The following CEMIP2 variants were observed in gnomAD, a reference collection of about 807,000 sequenced individuals.
CEMIP2 encodes the protein cell surface hyaluronidase CEMIP2.
In CEMIP2, 79 loss-of-function variants were observed where a neutral mutation model predicts 146.9. That is an observed-to-expected ratio of 0.54 (90% confidence interval 0.45 to 0.65). The LOEUF is 0.65. CEMIP2 is among the 30% of genes least tolerant of loss of function. CEMIP2 has a pLI of 0.00. For synonymous variants in CEMIP2, 601 were observed against 606.3 expected, an observed-to-expected ratio of 0.99 and a Z score of 0.13; for missense variants, 1,596 against 1,696.2, an observed-to-expected ratio of 0.94 and a Z score of 1.04.
intron 20 of CEMIP2, 103 bp downstream of exon 20, chr9:71,697,882 C>T: frequency 8.4e-7 from 1 of 1,186,478 alleles, no homozygotes; most frequent in Non-Finnish European, 1.2e-6. Context: ...ATGCAATGTC[C>T]ATAAATGGGC....
intron 2 of CEMIP2, among the ~76,000 whole-genome samples, chr9:71,746,785 C>T (rs1258247996): frequency 6.6e-6 from 1 of 152,164 alleles, no homozygotes; most frequent in East Asian, 1.9e-4. Flanking sequence ...CAGGTCTTCA[C>T]AAGTTCCTTC....
rs867972979 is a variant in CEMIP2 at position 71,728,320 on chromosome 9, T to C, written c.2049+1525A>G. On this transcript the variant is annotated intron_variant, in intron 10 of 23. Coordinates refer to ENST00000377044, the MANE Select transcript of CEMIP2 (RefSeq NM_013390.3). ...ATATATACATATATATATATATACG[T>C]ATATATATATATCTCAGCAGGTATG... Among the ~76,000 whole-genome samples the C allele has an allele frequency of 2.6e-3, 171 of 66,344 alleles. 6 individuals carry two copies. Among genetic ancestry groups the C allele is most frequent in the African/African-American group, 0.011 (155 of 14,530 alleles). The allele number at this position is 66,344 out of a possible 152,430, so 43.5% of individuals were successfully genotyped here.
chr9:71,727,826 C>T (rs1387233825), intron 10 of CEMIP2, among the ~76,000 whole-genome samples: 2 of 152,010 alleles, frequency 1.3e-5, no homozygotes, highest in African/African-American at 4.8e-5. Context: ...TTTGGGAGGC[C>T]AAGGCGGGCG....
intron 13 of CEMIP2, among the ~76,000 whole-genome samples, chr9:71,717,324 C>T (rs1823086456): frequency 6.6e-6 from 1 of 151,948 alleles, no homozygotes; most frequent in South Asian, 2.1e-4. Flanking sequence ...AGATTCAACA[C>T]AGTATCAGTT....
Position 71,728,295 on chromosome 9 carries a change from A to ATG in CEMIP2, c.2049+1549_2049+1550insCA, listed in dbSNP as rs1554684783. On this transcript the variant is annotated intron_variant, in intron 10 of 23. Transcript: ENST00000377044. ...TATATATATATGTATATATATATATATATATACATATATATATATATACGT... is the reference window on the plus strand; with the variant it reads ...TATATATATATGTATATATATATATATGTATATACATATATATATATATACGT... 4.9e-4 allele frequency among the ~76,000 whole-genome samples: 21 copies of ATG among 43,232 alleles called. 1 individual carries two copies. Among genetic ancestry groups the ATG allele is most frequent in the African/African-American group, 1.9e-3 (21 of 11,346 alleles). 28.4% of individuals were successfully genotyped at this position (43,232 alleles called of 152,430 possible).
At chr9:71,756,320 T>G (rs1252867444) in intron 1 of CEMIP2, among the ~76,000 whole-genome samples, 2 of 148,692 alleles carry the variant, frequency 1.3e-5, no homozygotes, top group Non-Finnish European at 3.0e-5. Flanking sequence ...TATATGTGCG[T>G]GTGTATGTGT....
intron 2 of CEMIP2, among the ~76,000 whole-genome samples, chr9:71,746,983 A>C (rs1050342738): frequency 6.6e-6 from 1 of 152,238 alleles, no homozygotes; most frequent in African/African-American, 2.4e-5. Flanking sequence ...TAGCAAGCTG[A>C]GTGATACGCA....
At position 71,746,132 on chromosome 9, in the gene CEMIP2, A is replaced by T. The variant is rs961522610; in HGVS notation, c.472+69T>A. ...CTGCCTAAAAATAGTCTTCTACATA[A>T]GGAACATCAAATATCCCCCACATTA... On this transcript the variant is annotated intron_variant, in intron 3 of 23. Transcript: ENST00000377044. The T allele has an allele frequency of 2.1e-5, 33 of 1,555,210 alleles. No homozygotes were observed. The South Asian group carries it at 3.9e-4, about 18-fold the overall frequency.
At chr9:71,698,905 T>C (rs1320370859) in intron 19 of CEMIP2, among the ~76,000 whole-genome samples, 2 of 152,082 alleles carry the variant, frequency 1.3e-5, no homozygotes, top group East Asian at 3.9e-4. Flanking sequence ...AAAAACTTGA[T>C]CAAGTGTGAT....
Position 71,685,407 on chromosome 9 carries a change from A to AG in CEMIP2, c.3956-15_3956-14insC, listed in dbSNP as rs781296580. Reference sequence around the variant, plus strand: ...ATATGGTACTCCCTAAAAAAAAAAAAAAAAAAGAAAAAGAAAAAAAATCAA... The same window carrying AG: ...ATATGGTACTCCCTAAAAAAAAAAAAGAAAAAAGAAAAAGAAAAAAAATCAA... On this transcript the variant is annotated splice_polypyrimidine_tract_variant and intron_variant, in intron 23 of 23. Transcript: ENST00000377044. The AG allele has an allele frequency of 6.7e-6, 10 of 1,496,432 alleles. No homozygotes were observed. The highest frequency in any genetic ancestry group is 1.4e-5 in the African/African-American group (1 of 69,592). The allele number at this position is 1,496,432 out of a possible 1,614,324, so 92.7% of individuals were successfully genotyped here.
chr9:71,757,269 G>C (rs1824489304), intron 1 of CEMIP2, among the ~76,000 whole-genome samples: 1 of 152,182 alleles, frequency 6.6e-6, no homozygotes, highest in African/African-American at 2.4e-5. Context: ...ATCACGCCTA[G>C]GCTTTTTAAG....
At chr9:71,700,909 C>T (rs1822541141) in intron 18 of CEMIP2, 85 bp from the exon 19 acceptor site, 1 of 1,222,476 alleles carries the variant, frequency 8.2e-7, no homozygotes, top group Non-Finnish European at 1.1e-6. Flanking sequence ...AACTGTCCTT[C>T]ATGTGCCACT....
At chr9:71,754,530 A>C (rs1286947003) in intron 1 of CEMIP2, among the ~76,000 whole-genome samples, 1 of 152,210 alleles carries the variant, frequency 6.6e-6, no homozygotes, top group Non-Finnish European at 1.5e-5. Flanking sequence ...CATGCTATGA[A>C]GAAGGAGCAT....
intron 20 of CEMIP2, among the ~76,000 whole-genome samples, chr9:71,697,032 A>T (rs555936082): frequency 6.6e-5 from 10 of 152,198 alleles, no homozygotes; most frequent in East Asian, 5.8e-4. Flanking sequence ...ATTGCTTTTT[A>T]AAAAAAATTA....
rs992303546 is a variant in CEMIP2, at chr9:71,683,894, C to T, written c.*1303G>A. 6.6e-6 allele frequency: 1 copy of T among 152,526 alleles called. No individual in the cohort carries two copies. Among genetic ancestry groups the T allele is most frequent in the African/African-American group, 2.4e-5 (1 of 41,456 alleles). The allele number at this position is 152,526 out of a possible 1,614,324, so 9.4% of individuals were successfully genotyped here. ...CACCCTTGGCCATCCCTCCTCTACA[C>T]TTTATGCGTCGGGGGTTTAGAACAA... On this transcript the variant is annotated 3_prime_UTR_variant, in exon 24 of 24. Coordinates refer to ENST00000377044, the MANE Select transcript of CEMIP2 (RefSeq NM_013390.3).
At chr9:71,762,672 C>A (rs143291760) in intron 1 of CEMIP2, among the ~76,000 whole-genome samples, 3 of 152,158 alleles carry the variant, frequency 2.0e-5, no homozygotes, top group Non-Finnish European at 4.4e-5. Flanking sequence ...TTTTTCAAAT[C>A]CTCATATAAA....
intron 5 of CEMIP2, 70 bp downstream of exon 5, chr9:71,739,993 T>G (rs906528113): frequency 1.4e-6 from 2 of 1,439,578 alleles, no homozygotes; most frequent in Admixed American, 2.2e-5. Flanking sequence ...CATAATACTA[T>G]TCTTAGAAAA....
At position 71,734,831 on chromosome 9, in the gene CEMIP2, G is replaced by A; in HGVS notation, c.1368C>T (p.Cys456=). 7 of 1,609,962 alleles carry A rather than the reference G, an allele frequency of 4.3e-6. No individual in the cohort carries two copies. The highest frequency in any genetic ancestry group is 5.9e-6 in the Non-Finnish European group (7 of 1,177,826). ...EEFTLLPCSE[C]SHFQVKVKET... Reference sequence around the variant, plus strand: ...CTTTGACTTTGACCTGAAAATGGCTGCATTCAGAACAGGGAAGAAGAGTGA... The same window carrying A: ...CTTTGACTTTGACCTGAAAATGGCTACATTCAGAACAGGGAAGAAGAGTGA... The change falls in exon 6 of 24, where the codon TGC becomes TGT. Residue 456 remains cysteine (C), a synonymous_variant. Coordinates refer to ENST00000377044, the MANE Select transcript of CEMIP2 (RefSeq NM_013390.3).
intron 20 of CEMIP2, among the ~76,000 whole-genome samples, chr9:71,696,634 G>A (rs570410552): frequency 8.6e-5 from 13 of 152,006 alleles, no homozygotes; most frequent in African/African-American, 3.1e-4. Context: ...AGCCAGGTGT[G>A]GTCACATGCA....
Sources: allele counts gnomAD v4.1 joint callset (sites outside exome capture counted in the v4.1 genomes callset), GRCh38; gene constraint gnomAD v4.1.1; transcripts MANE v1.5; gene names NCBI Gene and HGNC (gene_info 2026-07-23, HGNC 2026-07-21).